The following ELP3 variants were observed in gnomAD, a reference collection of about 807,000 sequenced individuals.
ELP3 encodes the protein elongator acetyltransferase complex subunit 3.
Under a neutral mutation model 74.9 loss-of-function variants are expected in ELP3, and 56 were observed. That is an observed-to-expected ratio of 0.75 (90% CI 0.60 to 0.93). The LOEUF (loss-of-function observed/expected upper bound fraction) is 0.93, where lower values mean the gene tolerates loss of function less well. Ranked by LOEUF, ELP3 falls within the 40% of genes least tolerant of loss-of-function variation. ELP3 has a pLI of 0.00. For synonymous variants in ELP3, 222 were observed against 239.8 expected (o/e 0.93, Z 0.68); for missense variants, 573 against 686.5 (o/e 0.83, Z 1.85).
chr8:28,161,947 A>T (rs551631442), intron 13 of ELP3, 50 bp from the exon 14 acceptor site: 28 of 1,590,626 alleles, frequency 1.8e-5, no homozygotes, highest in Non-Finnish European at 2.4e-5. Context: ...ACCCCTCTTA[A>T]TGAACTTCCT....
intron 4 of ELP3, among the ~76,000 whole-genome samples, chr8:28,107,105 G>A (rs1019718163): frequency 2.6e-5 from 4 of 152,088 alleles, no homozygotes; most frequent in Admixed American, 2.0e-4. Context: ...AAAATTAGCC[G>A]AGCGTGGTGG....
intron 14 of ELP3, among the ~76,000 whole-genome samples, chr8:28,164,929 A>G (rs910208495): frequency 6.6e-6 from 1 of 152,080 alleles, no homozygotes; most frequent in Non-Finnish European, 1.5e-5. Flanking sequence ...ATAGGCAGTT[A>G]TTCTCCATAA....
At chr8:28,090,448 G>A (rs1811021272), upstream of ELP3, 1 of 293,706 alleles carries the variant, frequency 3.4e-6, no homozygotes, top group Non-Finnish European at 6.6e-6. Context: ...TTGCTTCTTG[G>A]TCTTGTGATA....
At chr8:28,134,298 A>T (rs989633785) in intron 9 of ELP3, among the ~76,000 whole-genome samples, 1 of 152,228 alleles carries the variant, frequency 6.6e-6, no homozygotes, top group African/African-American at 2.4e-5. Flanking sequence ...GTCTCAGTAC[A>T]TATTTTCCTT....
intron 14 of ELP3, among the ~76,000 whole-genome samples, chr8:28,173,601 C>T (rs2130586600): frequency 6.7e-6 from 1 of 149,050 alleles, no homozygotes; most frequent in Admixed American, 6.7e-5. Flanking sequence ...TATTTTCTTC[C>T]TTCTGCTAGC....
At chr8:28,156,516 G>A (rs762195038) in intron 11 of ELP3, among the ~76,000 whole-genome samples, 1 of 152,058 alleles carries the variant, frequency 6.6e-6, no homozygotes, top group African/African-American at 2.4e-5. Flanking sequence ...TGCTGGCCCA[G>A]GATATACAAA....
intron 14 of ELP3, among the ~76,000 whole-genome samples, chr8:28,186,919 T>A (rs777599498): frequency 6.6e-6 from 1 of 152,144 alleles, no homozygotes; most frequent in Non-Finnish European, 1.5e-5. Flanking sequence ...CCCATAGCAC[T>A]CCCTGTGTCT....
intron 7 of ELP3, among the ~76,000 whole-genome samples, chr8:28,122,109 G>T (rs140825753): frequency 3.1e-4 from 47 of 151,938 alleles, no homozygotes; most frequent in African/African-American, 1.1e-3. Context: ...GGATCATTTT[G>T]ATTTTTTTTT....
chr8:28,127,506 G>A lies in ELP3; in HGVS notation c.618-1996G>A, dbSNP rs907287615. Among the ~76,000 whole-genome samples the A allele has an allele frequency of 2.6e-5, 4 of 151,616 alleles. No homozygotes were observed. In the East Asian group the frequency reaches 7.7e-4, roughly 29 times the overall value. The stretch of plus-strand genomic sequence containing the variant: ...TTTTGGTACTTTTTTTTCAACCTTT[G>A]TATGGTGTGCTTTCTCCATAATATA... On this transcript the variant is annotated intron_variant, in intron 7 of 14. Coordinates refer to ENST00000256398, the MANE Select transcript of ELP3 (RefSeq NM_018091.6).
intron 1 of ELP3, among the ~76,000 whole-genome samples, chr8:28,095,545 G>A (rs148892964): frequency 6.6e-6 from 1 of 152,296 alleles, no homozygotes; most frequent in Non-Finnish European, 1.5e-5. Flanking sequence ...TACATGGTTT[G>A]GAAAGCATTT....
chr8:28,182,181 AC>A (rs1815040053), intron 14 of ELP3, among the ~76,000 whole-genome samples: 1 of 151,972 alleles, frequency 6.6e-6, no homozygotes. Context: ...GAACTCAGGT[AC>A]CACACAGACT....
In ELP3 at chr8:28,190,320, C is replaced by T. The variant is rs1245721725; in HGVS notation, c.*595C>T. Reference sequence around the variant, plus strand: ...GAATTGCAGTTGTGGGGGTGTGAGCCTGGCAGCAGCCAGCCAGCAGCCTCT... The same window carrying T: ...GAATTGCAGTTGTGGGGGTGTGAGCTTGGCAGCAGCCAGCCAGCAGCCTCT... On this transcript the variant is annotated 3_prime_UTR_variant, in exon 15 of 15. Coordinates refer to ENST00000256398, the MANE Select transcript of ELP3 (RefSeq NM_018091.6). 4 of 152,174 alleles carry T rather than the reference C, an allele frequency of 2.6e-5. No individual in the cohort carries two copies. The highest frequency in any genetic ancestry group is 9.7e-5 in the African/African-American group (4 of 41,418). The allele number at this position is 152,174 out of a possible 1,614,324, so 9.4% of individuals were successfully genotyped here.
At chr8:28,098,575 G>C (rs1267840308) in intron 2 of ELP3, among the ~76,000 whole-genome samples, 1 of 151,752 alleles carries the variant, frequency 6.6e-6, no homozygotes, top group Non-Finnish European at 1.5e-5. Context: ...CTTTAATTTA[G>C]CACATCTAAA....
At chr8:28,183,116 C>CAGT (rs1187627258) in intron 14 of ELP3, 1 of 455,902 alleles carries the variant, frequency 2.2e-6, no homozygotes, top group Non-Finnish European at 4.4e-6. Context: ...AAAGTGTGTG[C>CAGT]AGTGGAAGTC....
At chr8:28,132,844 G>T (rs950213822) in intron 9 of ELP3, among the ~76,000 whole-genome samples, 1 of 152,012 alleles carries the variant, frequency 6.6e-6, no homozygotes, top group Non-Finnish European at 1.5e-5. Context: ...CAGAATTTAA[G>T]ATATACTGGT....
At chr8:28,183,440 T>C (rs919595814) in intron 14 of ELP3, among the ~76,000 whole-genome samples, 2 of 151,990 alleles carry the variant, frequency 1.3e-5, no homozygotes, top group Non-Finnish European at 2.9e-5. Context: ...TGCCATTCTT[T>C]CTTGAGAGAG....
At chr8:28,158,859 TC>T (rs1407183558) in intron 12 of ELP3, among the ~76,000 whole-genome samples, 1 of 152,204 alleles carries the variant, frequency 6.6e-6, no homozygotes, top group Non-Finnish European at 1.5e-5. Context: ...ATTAGCACTG[TC>T]CAGTGGAACT....
intron 14 of ELP3, among the ~76,000 whole-genome samples, chr8:28,170,769 A>T (rs1814491758): frequency 6.6e-6 from 1 of 152,152 alleles, no homozygotes. Flanking sequence ...ACCATTTTTA[A>T]GTGTATAAAT....
chr8:28,111,851 A>C (rs1252365290), intron 6 of ELP3, among the ~76,000 whole-genome samples: 1 of 152,210 alleles, frequency 6.6e-6, no homozygotes, highest in Non-Finnish European at 1.5e-5. Flanking sequence ...GGAGGTTCTG[A>C]TTAAGTCTGC....
Sources: gnomAD v4.1 joint callset for allele counts (sites outside exome capture counted in the v4.1 genomes callset) on GRCh38, gnomAD v4.1.1 for gene constraint, MANE v1.5 for transcripts, NCBI Gene and HGNC (gene_info 2026-07-23, HGNC 2026-07-21) for gene names.